The following NRXN3 variants were observed in gnomAD, a reference collection of about 807,000 sequenced individuals.
NRXN3 encodes the protein neurexin 3.
Under a neutral mutation model 137.6 loss-of-function variants are expected in NRXN3, and 32 were observed. That is an observed-to-expected ratio of 0.23 (90% confidence interval 0.18 to 0.31). NRXN3 has a LOEUF of 0.31. Among genes scored for constraint, NRXN3 ranks in the 10% least tolerant of loss-of-function variants. The pLI is 1.00. For synonymous variants in NRXN3, 798 were observed against 784.5 expected (o/e 1.02, Z -0.29); for missense variants, 1,574 against 2,062.5 (o/e 0.76, Z 4.59).
intron 8 of NRXN3, among the ~76,000 whole-genome samples, chr14:78,769,530 CAT>C (rs1214781056): frequency 1.3e-5 from 2 of 152,214 alleles, no homozygotes; most frequent in Non-Finnish European, 2.9e-5. Context: ...TCTCTAAGGA[CAT>C]AGCACTGCAA....
intron 15 of NRXN3, among the ~76,000 whole-genome samples, chr14:79,004,285 T>A (rs938674715): frequency 4.6e-5 from 7 of 152,122 alleles, no homozygotes; most frequent in Non-Finnish European, 1.0e-4. Context: ...TTAGACTGTA[T>A]CTCACTTTAT....
intron 10 of NRXN3, among the ~76,000 whole-genome samples, chr14:78,943,613 AAAAAAAAAATATATATATATATATATAT>A (rs1432361467): frequency 9.7e-5 from 3 of 30,998 alleles, no homozygotes; most frequent in South Asian, 1.4e-3. Context: ...TCACTGTTAA[AAAAAAAAAATATATATATATATATATAT>A]ATATATATAT....
intron 19 of NRXN3, among the ~76,000 whole-genome samples, chr14:79,708,435 T>G (rs2098789886): frequency 6.6e-6 from 1 of 151,632 alleles, no homozygotes; most frequent in South Asian, 2.1e-4. Flanking sequence ...TTGATAAATG[T>G]CTCTTGAATC....
intron 5 of NRXN3, among the ~76,000 whole-genome samples, chr14:78,647,212 C>T (rs2097696452): frequency 6.6e-6 from 1 of 152,200 alleles, no homozygotes; most frequent in Non-Finnish European, 1.5e-5. Flanking sequence ...AGAGGATAAA[C>T]CAAACTGTAA....
At chr14:78,761,905 T>C (rs1443167649) in intron 8 of NRXN3, among the ~76,000 whole-genome samples, 1 of 152,204 alleles carries the variant, frequency 6.6e-6, no homozygotes, top group Admixed American at 6.5e-5. Context: ...AGTTTATTCA[T>C]ACATTTTTGT....
intron 10 of NRXN3, among the ~76,000 whole-genome samples, chr14:78,825,107 A>T (rs1307558723): frequency 6.6e-6 from 1 of 151,112 alleles, no homozygotes; most frequent in African/African-American, 2.4e-5. Flanking sequence ...CTGGATAGAA[A>T]TTTATATCCA....
chr14:79,700,591 C>T (rs543762559), intron 19 of NRXN3, among the ~76,000 whole-genome samples: 1 of 152,134 alleles, frequency 6.6e-6, no homozygotes, highest in East Asian at 1.9e-4. Flanking sequence ...GCAAAGAAAA[C>T]ATCCTTTCAA....
At chr14:78,625,163 G>A (rs528064395) in intron 4 of NRXN3, among the ~76,000 whole-genome samples, 5 of 152,276 alleles carry the variant, frequency 3.3e-5, no homozygotes, top group Middle Eastern at 3.4e-3. Flanking sequence ...TTTAAAATGA[G>A]GGCATTTGAC....
At chr14:78,523,943 T>A (rs1405312585) in intron 4 of NRXN3, among the ~76,000 whole-genome samples, 1 of 151,460 alleles carries the variant, frequency 6.6e-6, no homozygotes, top group African/African-American at 2.4e-5. Context: ...CATACTCAAA[T>A]GAATTTCCTT....
chr14:79,317,393 G>A (rs1325808002), intron 15 of NRXN3, among the ~76,000 whole-genome samples: 1 of 152,134 alleles, frequency 6.6e-6, no homozygotes. Flanking sequence ...TTGTCACATG[G>A]CATTCTCACC....
chr14:78,722,463 G>A (rs940856781), intron 8 of NRXN3, among the ~76,000 whole-genome samples: 1 of 152,212 alleles, frequency 6.6e-6, no homozygotes, highest in East Asian at 1.9e-4. Flanking sequence ...CACAACACAA[G>A]GGGATTGTTG....
At chr14:78,496,187 C>T (rs2095781538) in intron 4 of NRXN3, among the ~76,000 whole-genome samples, 1 of 152,146 alleles carries the variant, frequency 6.6e-6, no homozygotes, top group South Asian at 2.1e-4. Context: ...GCCAGAACGC[C>T]AACCATCTTA....
At chr14:78,653,613 A>G (rs775005708) in intron 6 of NRXN3, among the ~76,000 whole-genome samples, 2 of 152,134 alleles carry the variant, frequency 1.3e-5, no homozygotes, top group Non-Finnish European at 2.9e-5. Context: ...CTATCTATTA[A>G]TCAGGAAGGA....
chr14:78,191,141 G>A (rs8018059), intron 1 of NRXN3, among the ~76,000 whole-genome samples: 49,725 of 152,026 alleles, frequency 0.33, 8,931 homozygotes, highest in Middle Eastern at 0.45. Flanking sequence ...GAAGAACTGT[G>A]TGTTTCATTA....
intron 15 of NRXN3, among the ~76,000 whole-genome samples, chr14:79,325,668 T>C (rs1023504381): frequency 2.6e-5 from 4 of 152,188 alleles, no homozygotes; most frequent in Non-Finnish European, 5.9e-5. Flanking sequence ...ATGCACATGC[T>C]TTTTCAAGAA....
chr14:78,540,982 G>A (rs1246114885), intron 4 of NRXN3, among the ~76,000 whole-genome samples: 4 of 152,222 alleles, frequency 2.6e-5, no homozygotes, highest in Non-Finnish European at 5.9e-5. Flanking sequence ...TCTGCTGAGA[G>A]ATCTGCTGTT....
At chr14:78,191,975 G>C (rs1288865196) in intron 1 of NRXN3, among the ~76,000 whole-genome samples, 1 of 151,954 alleles carries the variant, frequency 6.6e-6, no homozygotes, top group East Asian at 1.9e-4. Context: ...GTGGACTGAG[G>C]TACAAAATCC....
At chr14:79,709,588 G>A (rs1245614627) in intron 19 of NRXN3, among the ~76,000 whole-genome samples, 1 of 152,128 alleles carries the variant, frequency 6.6e-6, no homozygotes, top group Admixed American at 6.6e-5. Flanking sequence ...GTAACAATGG[G>A]GAGCCAGTCC....
rs1005126360 is a variant in NRXN3, at chr14:79,863,376, C to T, written c.*1412C>T. The T allele has an allele frequency of 3.3e-5, 5 of 151,360 alleles. No individual in the cohort carries two copies. Among genetic ancestry groups the T allele is most frequent in the African/African-American group, 1.2e-4 (5 of 41,164 alleles). 9.4% of individuals were successfully genotyped at this position (151,360 alleles called of 1,614,324 possible). Reference sequence around the variant, plus strand: ...ATGGTATGTTTGATGGGATGACTGACACAGGAAATCTGTTAAAGTCTTAAA... The same window carrying T: ...ATGGTATGTTTGATGGGATGACTGATACAGGAAATCTGTTAAAGTCTTAAA... On this transcript the variant is annotated 3_prime_UTR_variant, in exon 21 of 21. Transcript: ENST00000335750.
Sources: allele counts gnomAD v4.1 joint callset (sites outside exome capture counted in the v4.1 genomes callset), GRCh38; gene constraint gnomAD v4.1.1; transcripts MANE v1.5; gene names NCBI Gene and HGNC (gene_info 2026-07-23, HGNC 2026-07-21).